Variants in KLHL32 observed in about 807,000 individuals in gnomAD.
The protein encoded by KLHL32 is kelch-like protein 32.
KLHL32 carries 35 observed loss-of-function variants against 64.8 expected under a neutral mutation model. The ratio of observed to expected loss-of-function variants is 0.54; its 90% CI spans 0.41 to 0.72. The LOEUF (loss-of-function observed/expected upper bound fraction) is 0.72, where lower values mean the gene tolerates loss of function less well. KLHL32 is among the 30% of genes least tolerant of loss of function. KLHL32 has a pLI of 0.00. For missense variants in KLHL32, 589 were observed against 768.5 expected, an observed-to-expected ratio of 0.77 and a Z score of 2.76; for synonymous variants, 259 against 281.0, an observed-to-expected ratio of 0.92 and a Z score of 0.78.
rs530884457 is a variant in KLHL32 at position 97,113,086 on chromosome 6, C to T, written c.628-697C>T. ...CCTCTATATTCTGTTTTTGTGCAAA[C>T]GACTCTAACAAATTTCCAGTATCTT... On this transcript the variant is annotated intron_variant, in intron 6 of 10. Coordinates refer to ENST00000369261, the MANE Select transcript of KLHL32 (RefSeq NM_052904.4). Among the ~76,000 whole-genome samples, 15 of 152,062 alleles carry T rather than the reference C, an allele frequency of 9.9e-5. No homozygotes were observed. The South Asian group carries it at 1.0e-3, about 11-fold the overall frequency.
intron 7 of KLHL32, among the ~76,000 whole-genome samples, chr6:97,115,041 G>T (rs565561433): frequency 6.6e-6 from 1 of 152,282 alleles, no homozygotes; most frequent in East Asian, 1.9e-4. Flanking sequence ...TTCAGATAGG[G>T]TCTCACTCTT....
At chr6:97,101,477 AG>A (rs376966371) in intron 6 of KLHL32, among the ~76,000 whole-genome samples, 1 of 152,198 alleles carries the variant, frequency 6.6e-6, no homozygotes, top group African/African-American at 2.4e-5. Flanking sequence ...TTTCTCACCA[AG>A]TTTCTGACAT....
intron 4 of KLHL32, among the ~76,000 whole-genome samples, chr6:97,058,428 T>G (rs1788358521): frequency 6.6e-6 from 1 of 152,246 alleles, no homozygotes. Flanking sequence ...ATCAGAGTTT[T>G]GTAGTTTTCC....
At chr6:96,903,390 A>T in the KLHL32 span, among the ~76,000 whole-genome samples, 2 of 152,222 alleles carry the variant, frequency 1.3e-5, no homozygotes, top group Non-Finnish European at 2.9e-5. Flanking sequence ...AGGAATAGAT[A>T]CAGAATAGAA....
intron 3 of KLHL32, among the ~76,000 whole-genome samples, chr6:97,003,419 A>C (rs1779281634): frequency 6.6e-6 from 1 of 152,150 alleles, no homozygotes; most frequent in Non-Finnish European, 1.5e-5. Flanking sequence ...TATAGTTTAT[A>C]AAAATTTTCT....
At chr6:96,981,267 T>C (rs1776276883) in intron 3 of KLHL32, among the ~76,000 whole-genome samples, 1 of 152,182 alleles carries the variant, frequency 6.6e-6, no homozygotes, top group Admixed American at 6.5e-5. Flanking sequence ...GGGATTCAAA[T>C]TTTTTCCTGG....
chr6:97,104,706 G>A (rs117032640), intron 6 of KLHL32, among the ~76,000 whole-genome samples: 1,703 of 152,242 alleles, frequency 0.011, 16 homozygotes, highest in Admixed American at 0.023. Context: ...TGTCTTACAA[G>A]GAAAATGTTG....
intron 3 of KLHL32, among the ~76,000 whole-genome samples, chr6:96,994,201 C>T (rs1778187254): frequency 6.6e-6 from 1 of 152,130 alleles, no homozygotes; most frequent in Non-Finnish European, 1.5e-5. Context: ...TATTTGTTTT[C>T]CTTGTGTCTT....
intron 3 of KLHL32, among the ~76,000 whole-genome samples, chr6:97,018,668 T>C (rs1038727723): frequency 2.0e-5 from 3 of 151,510 alleles, no homozygotes; most frequent in African/African-American, 7.3e-5. Flanking sequence ...AAAATATTAG[T>C]CAGATGCTAA....
chr6:96,955,280 T>C (rs1240269418), intron 1 of KLHL32, among the ~76,000 whole-genome samples: 1 of 152,200 alleles, frequency 6.6e-6, no homozygotes, highest in Non-Finnish European at 1.5e-5. Context: ...TATTCCTTGA[T>C]GCAAATTGAG....
At chr6:96,972,684 A>T (rs1460871898) in intron 2 of KLHL32, among the ~76,000 whole-genome samples, 1 of 152,224 alleles carries the variant, frequency 6.6e-6, no homozygotes, top group Admixed American at 6.5e-5. Flanking sequence ...GTTTTAGGAT[A>T]TACTTTTCCT....
At chr6:97,042,407 G>C (rs1218429371) in intron 4 of KLHL32, among the ~76,000 whole-genome samples, 1 of 152,152 alleles carries the variant, frequency 6.6e-6, no homozygotes, top group Non-Finnish European at 1.5e-5. Flanking sequence ...GTGGCTATCA[G>C]TACACAATTT....
chr6:97,115,574 C>T (rs371615327), intron 7 of KLHL32, among the ~76,000 whole-genome samples: 123 of 152,344 alleles, frequency 8.1e-4, no homozygotes, highest in Non-Finnish European at 1.0e-3. Context: ...ACAGACCCAT[C>T]ACACCCCTCT....
intron 5 of KLHL32, among the ~76,000 whole-genome samples, chr6:97,065,865 A>G (rs59427252): frequency 0.071 from 10,737 of 152,234 alleles, 839 homozygotes; most frequent in Admixed American, 0.21. Flanking sequence ...AGGAACCAGC[A>G]CTTCCCAGGG....
chr6:96,964,728 A>C (rs1484651953), intron 1 of KLHL32, among the ~76,000 whole-genome samples: 1 of 152,250 alleles, frequency 6.6e-6, no homozygotes, highest in Admixed American at 6.5e-5. Context: ...ATTTTAATCA[A>C]GTATATAAAT....
At chr6:97,101,586 G>T (rs958609453) in intron 6 of KLHL32, among the ~76,000 whole-genome samples, 2 of 152,176 alleles carry the variant, frequency 1.3e-5, no homozygotes, top group African/African-American at 2.4e-5. Context: ...AAAAACAACT[G>T]GGTTTCAGTC....
rs201778895 is a variant in KLHL32, at chr6:97,114,241, G to A, written c.1086G>A (p.Thr362=). ...AAGTTGAGCATGCCAGTGGCCGGACGTGTGCTGTGAGGACTGCCTGTCGCT... is the reference window on the plus strand; with the variant it reads ...AAGTTGAGCATGCCAGTGGCCGGACATGTGCTGTGAGGACTGCCTGTCGCT... ...GGEVEHASGR[T]CAVRTACRYD... Residue 362 remains threonine, a synonymous_variant, in exon 7 of 11, where the codon ACG becomes ACA. Transcript: ENST00000369261. 6.8e-6 allele frequency: 11 copies of A among 1,614,132 alleles called. No homozygotes were observed. Among genetic ancestry groups the A allele is most frequent in the East Asian group, 4.5e-5 (2 of 44,878 alleles).
intron 1 of KLHL32, among the ~76,000 whole-genome samples, chr6:96,949,155 G>GT (rs2128007862): frequency 6.6e-6 from 1 of 152,272 alleles, no homozygotes; most frequent in African/African-American, 2.4e-5. Context: ...TTCTTAGAAT[G>GT]TAAGTTCTGT....
chr6:96,947,276 C>T (rs1018054038), intron 1 of KLHL32, among the ~76,000 whole-genome samples: 1 of 152,202 alleles, frequency 6.6e-6, no homozygotes, highest in Non-Finnish European at 1.5e-5. Flanking sequence ...CTGTGTAAGC[C>T]TGAAGCTCAC....
Sources: gnomAD v4.1 joint callset for allele counts (sites outside exome capture counted in the v4.1 genomes callset) on GRCh38, gnomAD v4.1.1 for gene constraint, MANE v1.5 for transcripts, NCBI Gene and HGNC (gene_info 2026-07-23, HGNC 2026-07-21) for gene names.